GPM6A: variants seen among roughly 807,000 people sequenced by gnomAD.
GPM6A encodes neuronal membrane glycoprotein M6-a.
A neutral mutation model predicts 32.1 loss-of-function variants in GPM6A; 7 were observed. The ratio of observed to expected loss-of-function variants is 0.22; its 90% CI spans 0.12 to 0.41. GPM6A has a LOEUF of 0.41. GPM6A is among the 10% of genes least tolerant of loss of function. The pLI is 1.00. For missense variants in GPM6A, 235 were observed against 347.2 expected (o/e 0.68, Z 2.57); for synonymous variants, 130 against 123.4 (o/e 1.05, Z -0.35).
chr4:175,770,991 T>C (rs1282838332), intron 1 of GPM6A, among the ~76,000 whole-genome samples: 2 of 152,186 alleles, frequency 1.3e-5, no homozygotes, highest in Admixed American at 6.5e-5. Context: ...AAAGTACTTA[T>C]TGAAAATATC....
intron 1 of GPM6A, among the ~76,000 whole-genome samples, chr4:175,986,907 T>C (rs1052812737): frequency 3.3e-5 from 5 of 152,208 alleles, no homozygotes; most frequent in African/African-American, 1.2e-4. Context: ...CATGCTTTTT[T>C]CATTTCAATA....
chr4:175,636,940 A>G (rs1740655280), intron 6 of GPM6A, among the ~76,000 whole-genome samples: 1 of 124,154 alleles, frequency 8.1e-6, no homozygotes, highest in Admixed American at 9.7e-5. Context: ...ACTCATGCAT[A>G]TATATATATA....
intron 1 of GPM6A, among the ~76,000 whole-genome samples, chr4:175,741,236 C>G (rs1337830176): frequency 1.3e-5 from 2 of 152,056 alleles, no homozygotes; most frequent in African/African-American, 2.4e-5. Context: ...TCCCTTTTCT[C>G]TCTGTATCTT....
chr4:175,831,514 T>C (rs1419015352), intron 1 of GPM6A, among the ~76,000 whole-genome samples: 1 of 152,148 alleles, frequency 6.6e-6, no homozygotes, highest in African/African-American at 2.4e-5. Flanking sequence ...ACTCCATTGA[T>C]GGGCCCCATG....
At chr4:175,799,450 G>C (rs1033984982) in intron 1 of GPM6A, among the ~76,000 whole-genome samples, 6 of 151,916 alleles carry the variant, frequency 3.9e-5, no homozygotes, top group Admixed American at 2.6e-4. Context: ...TAAGTATCTA[G>C]GAATCTAAGA....
intron 3 of GPM6A, among the ~76,000 whole-genome samples, chr4:175,657,142 C>G (rs956079115): frequency 1.3e-5 from 2 of 152,178 alleles, no homozygotes; most frequent in African/African-American, 2.4e-5. Context: ...AGTATTTTCT[C>G]ATCTTGGAAT....
At chr4:175,735,329 C>A (rs1342644817) in intron 1 of GPM6A, among the ~76,000 whole-genome samples, 1 of 152,092 alleles carries the variant, frequency 6.6e-6, no homozygotes. Flanking sequence ...AAGATTTGAT[C>A]CTAAATTCTG....
Position 175,634,825 on chromosome 4 carries a change from T to C in GPM6A, c.*80A>G. 1 of 1,236,042 alleles carries C rather than the reference T, an allele frequency of 8.1e-7. No homozygotes were observed. Among genetic ancestry groups the C allele is most frequent in the Non-Finnish European group, 1.2e-6 (1 of 861,530 alleles). 76.6% of individuals were successfully genotyped at this position (1,236,042 alleles called of 1,614,324 possible). A position where few individuals can be genotyped will look rare whatever the true frequency, so the allele number is the denominator to read the frequency against. On this transcript the variant is annotated 3_prime_UTR_variant, in exon 7 of 7. Coordinates refer to ENST00000393658, the MANE Select transcript of GPM6A (RefSeq NM_201591.3). Reference sequence around the variant, plus strand: ...ATTGATGAGAAGCACTTTCGTTTTGTTTTTTAAAGGTTGGATGGTTGGATG... The same window carrying C: ...ATTGATGAGAAGCACTTTCGTTTTGCTTTTTAAAGGTTGGATGGTTGGATG...
intron 6 of GPM6A, among the ~76,000 whole-genome samples, chr4:175,637,722 TAA>T (rs1386541366): frequency 4.2e-5 from 3 of 71,046 alleles, no homozygotes; most frequent in African/African-American, 1.8e-4. Flanking sequence ...TATTTATATA[TAA>T]TATATTATAT....
intron 3 of GPM6A, among the ~76,000 whole-genome samples, chr4:175,659,650 T>C (rs1240222883): frequency 6.6e-6 from 1 of 152,248 alleles, no homozygotes; most frequent in African/African-American, 2.4e-5. Context: ...ACACTCTTGA[T>C]AAGTTTATCA....
intron 1 of GPM6A, among the ~76,000 whole-genome samples, chr4:175,862,018 C>T (rs919461252): frequency 4.6e-5 from 7 of 152,096 alleles, no homozygotes; most frequent in African/African-American, 1.7e-4. Flanking sequence ...ACTGACATAG[C>T]GTGTACATTA....
chr4:175,977,191 C>T (rs1378519464), intron 1 of GPM6A, among the ~76,000 whole-genome samples: 6 of 152,168 alleles, frequency 3.9e-5, no homozygotes, highest in Non-Finnish European at 7.4e-5. Flanking sequence ...TGGAATATGA[C>T]ATGACTGTAA....
At chr4:175,727,259 C>T (rs574176007) in intron 1 of GPM6A, among the ~76,000 whole-genome samples, 2 of 152,258 alleles carry the variant, frequency 1.3e-5, no homozygotes, top group Admixed American at 6.5e-5. Context: ...CAGTACTAGG[C>T]TTCACAAAAG....
chr4:175,952,586 G>A (rs1739851171), intron 1 of GPM6A, among the ~76,000 whole-genome samples: 1 of 152,116 alleles, frequency 6.6e-6, no homozygotes, highest in Non-Finnish European at 1.5e-5. Flanking sequence ...ATATTAGAAA[G>A]CATTAATCCA....
Position 175,722,209 on chromosome 4 carries a change from C to T in GPM6A, c.38-20442G>A, listed in dbSNP as rs369981186. 1.6e-4 allele frequency among the ~76,000 whole-genome samples: 25 copies of T among 151,962 alleles called. No homozygotes were observed. In the South Asian group the frequency reaches 4.2e-3, roughly 25 times the overall value. ...AGTTGAGGCAGGAGGATCCCTTGAG[C>T]CCAGGTATATTTTAAAGACTGCATG... is the stretch of plus-strand genomic sequence containing the variant. On this transcript the variant is annotated intron_variant, in intron 1 of 6. Coordinates refer to ENST00000393658, the MANE Select transcript of GPM6A (RefSeq NM_201591.3).
chr4:175,640,010 C>T, intron 6 of GPM6A, 119 bp downstream of exon 6: 2 of 829,732 alleles, frequency 2.4e-6, no homozygotes, highest in Non-Finnish European at 4.2e-6. Flanking sequence ...TTTTTTTAAT[C>T]TGATGACATA....
At chr4:175,931,241 GA>G (rs1739029317) in intron 1 of GPM6A, among the ~76,000 whole-genome samples, 1 of 152,034 alleles carries the variant, frequency 6.6e-6, no homozygotes, top group Admixed American at 6.6e-5. Flanking sequence ...CTAAGACCTA[GA>G]AAAATATTAA....
chr4:175,958,245 T>A (rs1230987956), intron 1 of GPM6A, among the ~76,000 whole-genome samples: 1 of 152,320 alleles, frequency 6.6e-6, no homozygotes, highest in East Asian at 1.9e-4. Flanking sequence ...TGCTTTCCTG[T>A]AAAATATTAG....
intron 1 of GPM6A, among the ~76,000 whole-genome samples, chr4:175,973,680 C>A (rs892228513): frequency 6.6e-6 from 1 of 152,156 alleles, no homozygotes; most frequent in African/African-American, 2.4e-5. Flanking sequence ...TGACTCAGCT[C>A]CCCTGGCTAG....
Sources: allele counts gnomAD v4.1 joint callset (sites outside exome capture counted in the v4.1 genomes callset), GRCh38; gene constraint gnomAD v4.1.1; transcripts MANE v1.5; gene names NCBI Gene and HGNC (gene_info 2026-07-23, HGNC 2026-07-21).